The following BCAS3 variants were observed in gnomAD, a reference collection of about 807,000 sequenced individuals.
BCAS3 encodes BCAS4/BCAS3 fusion.
Under a neutral mutation model 116.1 loss-of-function variants are expected in BCAS3, and 53 were observed. The ratio of observed to expected loss-of-function variants is 0.46; its 90% CI spans 0.37 to 0.57. The LOEUF is 0.57. Ranked by LOEUF, BCAS3 falls within the 20% of genes least tolerant of loss-of-function variation. The pLI, the probability that BCAS3 is intolerant of heterozygous loss-of-function variation, is 0.00. For missense variants in BCAS3, 917 were observed against 1,165.4 expected (o/e 0.79, Z 3.10); for synonymous variants, 391 against 408.2 (o/e 0.96, Z 0.51).
chr17:60,700,718 G>C (rs1030475621), intron 4 of BCAS3, among the ~76,000 whole-genome samples: 2 of 152,182 alleles, frequency 1.3e-5, no homozygotes, highest in Non-Finnish European at 2.9e-5. Flanking sequence ...AAGACCAAGG[G>C]AGAGTATTTT....
At chr17:61,044,446 C>CAA (rs1223902392) in intron 19 of BCAS3, among the ~76,000 whole-genome samples, 106 of 82,586 alleles carry the variant, frequency 1.3e-3, no homozygotes, top group African/African-American at 4.4e-3. Flanking sequence ...GACTCTGTCT[C>CAA]AAAAAAAAAA....
At position 61,023,869 on chromosome 17, in the gene BCAS3, A is replaced by G. The variant is rs984880035; in HGVS notation, c.1637+7968A>G. On this transcript the variant is annotated intron_variant, in intron 16 of 23. Transcript: ENST00000407086. This position sits in a 1 kb window ranked among gnomAD's most constrained non-coding sequence, Gnocchi z 4.8. ...GGTCAAAAAGGATATAATTATGACA[A>G]ATTGAGTAGGTTTTATATGGCATAT... Among the ~76,000 whole-genome samples the G allele has an allele frequency of 4.6e-5, 7 of 152,162 alleles. No individual in the cohort carries two copies. The highest frequency in any genetic ancestry group is 1.3e-4 in the Admixed American group (2 of 15,280).
At chr17:60,981,410 G>C (rs1015617533) in intron 14 of BCAS3, among the ~76,000 whole-genome samples, 3 of 151,902 alleles carry the variant, frequency 2.0e-5, no homozygotes, top group Non-Finnish European at 4.4e-5. Flanking sequence ...AGCCTCCCTA[G>C]TAGCTGGGAT....
At chr17:61,182,629 C>T (rs2079546597) in intron 22 of BCAS3, among the ~76,000 whole-genome samples, 1 of 152,176 alleles carries the variant, frequency 6.6e-6, no homozygotes, top group Non-Finnish European at 1.5e-5. Context: ...TAGAATATTC[C>T]TATTACCCTG....
rs2079390849 is a variant in BCAS3, at chr17:61,180,046, C to T, written c.2425+95482C>T. 1.3e-5 allele frequency among the ~76,000 whole-genome samples: 2 copies of T among 151,968 alleles called. No individual in the cohort carries two copies. The highest frequency in any genetic ancestry group is 4.8e-5 in the African/African-American group (2 of 41,362). On this transcript the variant is annotated intron_variant, in intron 22 of 23. Transcript: ENST00000407086. The surrounding 1 kb of genome is among the most constrained non-coding windows in gnomAD (Gnocchi z 6.0). ...ATCTGCAAGCTGTAGCGACCTGGGA[C>T]TTTTTGTTAGAGACACATACACAGA...
intron 19 of BCAS3, among the ~76,000 whole-genome samples, chr17:61,048,283 C>T (rs1438129909): frequency 6.6e-6 from 1 of 151,918 alleles, no homozygotes; most frequent in Non-Finnish European, 1.5e-5. Flanking sequence ...GTAGCAACAA[C>T]AGAAACAGAA....
At chr17:60,959,808 G>A (rs771203694) in intron 14 of BCAS3, among the ~76,000 whole-genome samples, 20 of 152,090 alleles carry the variant, frequency 1.3e-4, no homozygotes, top group Non-Finnish European at 4.4e-5. Flanking sequence ...CAAAATGTAA[G>A]CAAGGCTGCA....
Position 61,379,477 on chromosome 17 carries a change from A to G in BCAS3, c.2593+10983A>G, listed in dbSNP as rs529991753. The stretch of plus-strand genomic sequence containing the variant: ...GAAGCCATAGAGCACTGTACCAAGA[A>G]GGCCAAGCCAAGCCCATCCGATTGA... On this transcript the variant is annotated intron_variant, in intron 23 of 23. Transcript: ENST00000407086. This position sits in a 1 kb window ranked among gnomAD's most constrained non-coding sequence, Gnocchi z 5.5. The G allele has an allele frequency of 6.6e-6, 1 of 152,296 alleles. No homozygotes were observed. The highest frequency in any genetic ancestry group is 1.9e-4 in the East Asian group (1 of 5,172). The allele number at this position is 152,296 out of a possible 1,614,324, so 9.4% of individuals were successfully genotyped here.
Position 61,145,555 on chromosome 17 carries a change from A to G in BCAS3, c.2425+60991A>G, listed in dbSNP as rs1208355688. 2.6e-5 allele frequency among the ~76,000 whole-genome samples: 4 copies of G among 152,098 alleles called. No individual in the cohort carries two copies. Among genetic ancestry groups the G allele is most frequent in the African/African-American group, 7.2e-5 (3 of 41,402 alleles). ...AAACAGACGGAGAGAGGCATTTCCA[A>G]CCATCTTGCTGATCTGTGCAGGAGT... On this transcript the variant is annotated intron_variant, in intron 22 of 23. Coordinates refer to ENST00000407086, the MANE Select transcript of BCAS3 (RefSeq NM_017679.5). This position sits in a 1 kb window ranked among gnomAD's most constrained non-coding sequence, Gnocchi z 5.0.
At chr17:60,804,994 A>G (rs1291573848) in intron 6 of BCAS3, among the ~76,000 whole-genome samples, 1 of 150,704 alleles carries the variant, frequency 6.6e-6, no homozygotes, top group Non-Finnish European at 1.5e-5. Context: ...CCCAAGCACT[A>G]CCTTGCACTT....
chr17:61,107,121 C>T, intron 22 of BCAS3, among the ~76,000 whole-genome samples: 1 of 125,604 alleles, frequency 8.0e-6, no homozygotes, highest in African/African-American at 2.9e-5. Flanking sequence ...GAGTCTCGCT[C>T]TGTCGCCCAG....
chr17:60,764,216 G>T (rs570767403), intron 6 of BCAS3, among the ~76,000 whole-genome samples: 2 of 150,530 alleles, frequency 1.3e-5, no homozygotes, highest in African/African-American at 2.5e-5. Context: ...TCTGATCTTA[G>T]TTATTTCTTG....
At chr17:60,774,186 T>C (rs2045046167) in intron 6 of BCAS3, among the ~76,000 whole-genome samples, 1 of 152,192 alleles carries the variant, frequency 6.6e-6, no homozygotes, top group Non-Finnish European at 1.5e-5. Context: ...CAGTAGTTTC[T>C]ATTGGTGCCT....
At chr17:60,866,633 C>G (rs2054620003) in intron 7 of BCAS3, among the ~76,000 whole-genome samples, 1 of 152,082 alleles carries the variant, frequency 6.6e-6, no homozygotes, top group African/African-American at 2.4e-5. Flanking sequence ...TGAGGATTTT[C>G]TTTGCAAGAA....
intron 5 of BCAS3, among the ~76,000 whole-genome samples, chr17:60,714,572 G>C (rs369933857): frequency 1.3e-4 from 20 of 152,250 alleles, no homozygotes; most frequent in African/African-American, 3.8e-4. Flanking sequence ...AGAATTGCTT[G>C]AACCCAGGAG....
intron 7 of BCAS3, among the ~76,000 whole-genome samples, chr17:60,853,329 T>C (rs1436651232): frequency 6.6e-6 from 1 of 152,238 alleles, no homozygotes; most frequent in East Asian, 1.9e-4. Context: ...TTAGTCATAG[T>C]ATTAATTCAC....
rs2080492170 is a variant in BCAS3, at chr17:61,196,564, C to T, written c.2425+112000C>T. Among the ~76,000 whole-genome samples, 1 of 152,222 alleles carries T rather than the reference C, an allele frequency of 6.6e-6. No individual in the cohort carries two copies. Among genetic ancestry groups the T allele is most frequent in the Non-Finnish European group, 1.5e-5 (1 of 68,036 alleles). ...AGTAGCCCCAAGGCTGGTTAGTCCC[C>T]TTCCAGATGGGGAGGTTAGACTGGG... On this transcript the variant is annotated intron_variant, in intron 22 of 23. Transcript: ENST00000407086. This position sits in a 1 kb window ranked among gnomAD's most constrained non-coding sequence, Gnocchi z 4.7.
chr17:61,350,948 A>G (rs977106395), intron 22 of BCAS3, among the ~76,000 whole-genome samples: 1 of 152,212 alleles, frequency 6.6e-6, no homozygotes, highest in Non-Finnish European at 1.5e-5. Context: ...ATCTTAAAAA[A>G]GAAGGAGATC....
intron 9 of BCAS3, among the ~76,000 whole-genome samples, chr17:60,881,965 A>G (rs1212631401): frequency 1.3e-5 from 2 of 149,696 alleles, no homozygotes; most frequent in East Asian, 3.9e-4. Flanking sequence ...CAGTAATGGG[A>G]TGGCTGGGTA....
Sources: allele counts gnomAD v4.1 joint callset (sites outside exome capture counted in the v4.1 genomes callset), GRCh38; gene constraint gnomAD v4.1.1; non-coding constraint Gnocchi (gnomAD v3.1); transcripts MANE v1.5; gene names NCBI Gene and HGNC (gene_info 2026-07-23, HGNC 2026-07-21).